NEDD4: variants seen among roughly 807,000 people sequenced by gnomAD.
The protein encoded by NEDD4 is NEDD4 E3 ubiquitin protein ligase, also known as E3 ubiquitin-protein ligase NEDD4.
A neutral mutation model predicts 144.9 loss-of-function variants in NEDD4; 99 were observed. That is an observed-to-expected ratio of 0.68 (90% CI 0.58 to 0.81). The LOEUF (loss-of-function observed/expected upper bound fraction) is 0.81, where lower values mean the gene tolerates loss of function less well. Among genes scored for constraint, NEDD4 ranks in the 30% least tolerant of loss-of-function variants. The pLI is 0.00. For synonymous variants in NEDD4, 318 were observed against 350.6 expected, an observed-to-expected ratio of 0.91 and a Z score of 1.04; for missense variants, 985 against 1,065.9, an observed-to-expected ratio of 0.92 and a Z score of 1.06.
chr15:55,927,267 G>A (rs1426934458), intron 4 of NEDD4, among the ~76,000 whole-genome samples: 4 of 151,872 alleles, frequency 2.6e-5, no homozygotes, highest in African/African-American at 9.7e-5. Context: ...AAGGCATGGG[G>A]GCAGAATGAG....
chr15:55,913,823 T>G (rs1381317688), intron 5 of NEDD4, among the ~76,000 whole-genome samples: 3 of 152,062 alleles, frequency 2.0e-5, no homozygotes, highest in Non-Finnish European at 4.4e-5. Context: ...AAGGTATTTC[T>G]ACAAATATTT....
chr15:55,838,176 T>A lies in NEDD4; in HGVS notation c.2132A>T (p.His711Leu). The change falls in exon 23 of 29, where the codon CAT (histidine) becomes CTT (leucine). Residue 711 changes from histidine to leucine, a missense_variant. Physicochemically the swap from His to Leu is moderately conservative, Grantham distance 99. Transcript: ENST00000435532. Reference protein sequence around the residue: ...IIDEELFGQTHQHELKNGGSE... With the variant: ...IIDEELFGQTLQHELKNGGSE... ...TCCACCATTTTTCAGCTCATGTTGA[T>A]GTGTCTAAAATTAAACACAATAACT... The A allele has an allele frequency of 6.3e-7, 1 of 1,594,058 alleles. No homozygotes were observed. The highest frequency in any genetic ancestry group is 8.6e-7 in the Non-Finnish European group (1 of 1,167,268).
intron 21 of NEDD4, 76 bp downstream of exon 21, chr15:55,840,371 A>G (rs2141981401): frequency 1.5e-6 from 2 of 1,324,284 alleles, no homozygotes; most frequent in East Asian, 4.8e-5. Flanking sequence ...CCATGTCATT[A>G]AAAGCAAATT....
intron 17 of NEDD4, 152 bp from the exon 18 acceptor site, chr15:55,847,186 T>C: frequency 2.1e-6 from 1 of 472,960 alleles, no homozygotes; most frequent in Non-Finnish European, 3.8e-6. Context: ...TACAAAACTT[T>C]AAACTTTAAA....
intron 4 of NEDD4, 138 bp downstream of exon 4, chr15:55,951,238 C>T: frequency 2.2e-6 from 1 of 459,058 alleles, no homozygotes; most frequent in Non-Finnish European, 3.8e-6. Context: ...GACAAAATTT[C>T]AATTCCTTTT....
At chr15:55,845,004 T>C (rs2033681477) in intron 18 of NEDD4, among the ~76,000 whole-genome samples, 1 of 152,084 alleles carries the variant, frequency 6.6e-6, no homozygotes, top group African/African-American at 2.4e-5. Context: ...GTTTTGGTGT[T>C]ACATGTTCTT....
At chr15:55,967,910 G>T (rs1362639676) in intron 1 of NEDD4, among the ~76,000 whole-genome samples, 1 of 152,010 alleles carries the variant, frequency 6.6e-6, no homozygotes, top group Non-Finnish European at 1.5e-5. Context: ...CTACTAGAGA[G>T]GGTGAGGCAG....
intron 13 of NEDD4, among the ~76,000 whole-genome samples, chr15:55,851,723 C>T (rs1452640601): frequency 6.6e-6 from 1 of 151,996 alleles, no homozygotes. Context: ...GTGATCCTCC[C>T]ACCTTGGCCT....
intron 1 of NEDD4, among the ~76,000 whole-genome samples, chr15:55,979,975 A>G (rs1435248386): frequency 2.6e-5 from 4 of 151,880 alleles, no homozygotes; most frequent in African/African-American, 9.7e-5. Context: ...CAGTGGCGCA[A>G]TCTCGGCTCA....
Position 55,838,557 on chromosome 15 carries a change from T to C in NEDD4, c.2079A>G (p.Pro693=). Residue 693 remains proline (P), a synonymous_variant, in exon 22 of 29, where the codon CCA becomes CCG. Coordinates refer to ENST00000435532, the MANE Select transcript of NEDD4 (RefSeq NM_006154.4). ...TGATAAACCTGAGGTCCAATTCTGTTGGGTCATTTTCAAGAATCCATCTTA... is the reference window on the plus strand; with the variant it reads ...TGATAAACCTGAGGTCCAATTCTGTCGGGTCATTTTCAAGAATCCATCTTA... The part of the protein sequence containing the change: ...NSLRWILEND[P]TELDLRFIID... 6.2e-7 allele frequency: 1 copy of C among 1,612,986 alleles called. No individual in the cohort carries two copies.
intron 2 of NEDD4, among the ~76,000 whole-genome samples, chr15:55,963,643 A>G (rs1195521641): frequency 7.2e-5 from 11 of 152,224 alleles, no homozygotes; most frequent in African/African-American, 2.7e-4. Flanking sequence ...TGATTTCAAC[A>G]GGCATATGTT....
chr15:55,965,454 A>T (rs1312367240), intron 2 of NEDD4, among the ~76,000 whole-genome samples: 1 of 151,978 alleles, frequency 6.6e-6, no homozygotes, highest in Non-Finnish European at 1.5e-5. Context: ...TGTCTGCCTC[A>T]GTCTCCCAAA....
At chr15:55,847,603 G>A (rs967603880) in intron 17 of NEDD4, among the ~76,000 whole-genome samples, 7 of 151,754 alleles carry the variant, frequency 4.6e-5, no homozygotes, top group Admixed American at 2.6e-4. Flanking sequence ...ATTATCATAC[G>A]TGGTAATATT....
chr15:55,841,818 G>C, intron 19 of NEDD4, 116 bp downstream of exon 19: 6 of 779,430 alleles, frequency 7.7e-6, no homozygotes, highest in Non-Finnish European at 1.3e-5. Flanking sequence ...TGATCCGCCC[G>C]CCTCGGCCTC....
chr15:55,933,169 C>A (rs1477255628), intron 4 of NEDD4, among the ~76,000 whole-genome samples: 1 of 152,082 alleles, frequency 6.6e-6, no homozygotes, highest in Non-Finnish European at 1.5e-5. Context: ...ACCCAGCCAT[C>A]CCATTACTGG....
At position 55,965,398 on chromosome 15, in the gene NEDD4, C is replaced by A. The variant is rs190666528; in HGVS notation, c.119+1075G>T. Among the ~76,000 whole-genome samples, 321 of 152,174 alleles carry A rather than the reference C, an allele frequency of 2.1e-3. 2 individuals are homozygous for A. The highest frequency in any genetic ancestry group is 7.4e-3 in the African/African-American group (306 of 41,526). ...TTGTACTTTTTGTAGAGACAGGTTT[C>A]ACCATATTGCCCAGGCTGGTCTCAA... On this transcript the variant is annotated intron_variant, in intron 2 of 28. Coordinates refer to ENST00000435532, the MANE Select transcript of NEDD4 (RefSeq NM_006154.4).
intron 4 of NEDD4, among the ~76,000 whole-genome samples, chr15:55,930,306 C>A (rs562007994): frequency 1.3e-5 from 2 of 152,264 alleles, no homozygotes; most frequent in African/African-American, 4.8e-5. Flanking sequence ...AGTTCACTGA[C>A]CCTCGTCCTA....
chr15:55,983,084 T>C (rs1334595667), intron 1 of NEDD4, among the ~76,000 whole-genome samples: 2 of 151,874 alleles, frequency 1.3e-5, no homozygotes, highest in African/African-American at 2.4e-5. Context: ...ATTGCGCCAT[T>C]GCACTTCAGC....
chr15:55,890,356 T>G (rs1372623435), intron 5 of NEDD4, among the ~76,000 whole-genome samples: 1 of 152,090 alleles, frequency 6.6e-6, no homozygotes, highest in Non-Finnish European at 1.5e-5. Flanking sequence ...TCACTGCCCA[T>G]TTCCCCACCC....
Sources: gnomAD v4.1 joint callset for allele counts (sites outside exome capture counted in the v4.1 genomes callset) on GRCh38, gnomAD v4.1.1 for gene constraint, MANE v1.5 for transcripts, NCBI Gene and HGNC (gene_info 2026-07-23, HGNC 2026-07-21) for gene names.